MS4A4E: variants seen among roughly 807,000 people sequenced by gnomAD.
MS4A4E encodes putative membrane-spanning 4-domains subfamily A member 4E.
Under a neutral mutation model 13.3 loss-of-function variants are expected in MS4A4E, and 23 were observed. The ratio of observed to expected loss-of-function variants is 1.73; its 90% confidence interval spans 1.25 to 2.45. The LOEUF is 2.45. Among genes scored for constraint, MS4A4E ranks in the 30% most tolerant of loss-of-function variants. The pLI is 0.00. For missense variants in MS4A4E, 144 were observed against 131.2 expected (o/e 1.10, Z -0.48); for synonymous variants, 36 against 45.6 (o/e 0.79, Z 0.85).
At chr11:60,202,680 T>G (rs2084001818) in intron 8 of MS4A4E, among the ~76,000 whole-genome samples, 1 of 152,218 alleles carries the variant, frequency 6.6e-6, no homozygotes, top group African/African-American at 2.4e-5. Context: ...CCCAGCTGAT[T>G]ACTTGTAGGA....
At chr11:60,226,654 T>G (rs927024706) in intron 3 of MS4A4E, among the ~76,000 whole-genome samples, 3 of 152,190 alleles carry the variant, frequency 2.0e-5, no homozygotes, top group African/African-American at 7.2e-5. Flanking sequence ...TGATAAAGAA[T>G]ATTTATTAAT....
chr11:60,230,940 A>G (rs1227313490), intron 1 of MS4A4E, among the ~76,000 whole-genome samples: 2 of 152,126 alleles, frequency 1.3e-5, no homozygotes, highest in Non-Finnish European at 2.9e-5. Flanking sequence ...TATGCTAAAA[A>G]CTGTCAGGTT....
intron 5 of MS4A4E, chr11:60,209,115 G>A (rs983672945): frequency 2.6e-5 from 4 of 152,188 alleles, no homozygotes; most frequent in African/African-American, 9.6e-5. Flanking sequence ...CTAATCCTCA[G>A]CTTCTGGGGA....
chr11:60,229,495 G>A (rs610352), intron 2 of MS4A4E, among the ~76,000 whole-genome samples: 1 of 151,952 alleles, frequency 6.6e-6, no homozygotes, highest in African/African-American at 2.4e-5. Context: ...AATGCTCAGA[G>A]AATAGCAGAT....
chr11:60,215,825 T>TA (rs973437885), intron 3 of MS4A4E, among the ~76,000 whole-genome samples: 61 of 152,248 alleles, frequency 4.0e-4, no homozygotes, highest in Middle Eastern at 3.4e-3. Flanking sequence ...ATAAACTCTT[T>TA]AAAAAATTCA....
At chr11:60,206,493 A>ATATATATATGTATATATATG (rs2084047174) in intron 6 of MS4A4E, among the ~76,000 whole-genome samples, 1 of 80,720 alleles carries the variant, frequency 1.2e-5, no homozygotes, top group African/African-American at 5.1e-5. Flanking sequence ...ATATATGTAT[A>ATATATATATGTATATATATG]TATATACGTA....
rs575631902 is a variant in MS4A4E at position 60,213,935 on chromosome 11, T to G, written c.222+636A>C. On this transcript the variant is annotated intron_variant, in intron 4 of 8. Coordinates refer to ENST00000651255, the MANE Select transcript of MS4A4E (RefSeq NM_001393391.1). ...TTTTTTTCCTTTTTGAGATGGAGTC[T>G]TGCTCTGTCACCAGGCTGAAGTGCA... Among the ~76,000 whole-genome samples, 11 of 152,190 alleles carry G rather than the reference T, an allele frequency of 7.2e-5. No homozygotes were observed. The East Asian group carries it at 1.9e-3, about 27-fold the overall frequency.
chr11:60,203,344 G>A (rs2084007122), intron 8 of MS4A4E, among the ~76,000 whole-genome samples: 1 of 152,116 alleles, frequency 6.6e-6, no homozygotes, highest in South Asian at 2.1e-4. Flanking sequence ...CTTTGTAAGA[G>A]CCTATAAGGT....
intron 1 of MS4A4E, among the ~76,000 whole-genome samples, chr11:60,232,712 T>C (rs2084428168): frequency 6.6e-6 from 1 of 152,196 alleles, no homozygotes; most frequent in Non-Finnish European, 1.5e-5. Flanking sequence ...GAGTTGCTAC[T>C]GTGCTGCCCC....
chr11:60,230,178 C>A (rs530965766), intron 1 of MS4A4E, 107 bp from the exon 2 acceptor site: 1 of 1,226,222 alleles, frequency 8.2e-7, no homozygotes, highest in Non-Finnish European at 1.1e-6. Flanking sequence ...TCTACATTCC[C>A]CTCCAATATT....
At chr11:60,232,321 A>ACACCCC (rs556719466) in intron 1 of MS4A4E, among the ~76,000 whole-genome samples, 1 of 147,438 alleles carries the variant, frequency 6.8e-6, no homozygotes, top group Non-Finnish European at 1.5e-5. Flanking sequence ...ACACACACAC[A>ACACCCC]CCAAAAATGA....
chr11:60,225,875 A>T (rs1279487884), intron 3 of MS4A4E, among the ~76,000 whole-genome samples: 1 of 151,910 alleles, frequency 6.6e-6, no homozygotes, highest in Non-Finnish European at 1.5e-5. Context: ...CTTTTTTTTA[A>T]AAAAAAGAAA....
chr11:60,213,153 A>C (rs910474251), intron 4 of MS4A4E, 21 bp from the exon 5 acceptor site: 2 of 824,720 alleles, frequency 2.4e-6, no homozygotes, highest in Non-Finnish European at 3.7e-6. Flanking sequence ...ATGAAAATTA[A>C]TTAAGCAATC....
intron 1 of MS4A4E, among the ~76,000 whole-genome samples, chr11:60,233,955 TC>T (rs2084447963): frequency 6.6e-6 from 1 of 152,190 alleles, no homozygotes; most frequent in Admixed American, 6.5e-5. Flanking sequence ...CAATCAGCAC[TC>T]CCAGGATTCA....
In MS4A4E at chr11:60,201,310, C is replaced by T. The variant is rs551032886; in HGVS notation, c.*233G>A. ...CGGGGGCTGACCCCCACCTCCCTCC[C>T]GGACGGGGTGGCTGCCTGGCGGAGA... On this transcript the variant is annotated 3_prime_UTR_variant, in exon 9 of 9. Coordinates refer to ENST00000651255, the MANE Select transcript of MS4A4E (RefSeq NM_001393391.1). The T allele has an allele frequency of 2.7e-4, 44 of 164,120 alleles. 1 individual carries two copies. Among genetic ancestry groups the T allele is most frequent in the South Asian group, 1.5e-3 (11 of 7,240 alleles). 10.2% of individuals were successfully genotyped at this position (164,120 alleles called of 1,614,324 possible). A position where few individuals can be genotyped will look rare whatever the true frequency, so the allele number is the denominator to read the frequency against.
Position 60,227,504 on chromosome 11 carries a change from T to C in MS4A4E, c.178+1090A>G, listed in dbSNP as rs368328176. Reference sequence around the variant, plus strand: ...AGGCAGAGCTTGCAGTGAGCTGAGATTGGGCCACTGCACTCCAGCCTGGGT... The same window carrying C: ...AGGCAGAGCTTGCAGTGAGCTGAGACTGGGCCACTGCACTCCAGCCTGGGT... On this transcript the variant is annotated intron_variant, in intron 3 of 8. Coordinates refer to ENST00000651255, the MANE Select transcript of MS4A4E (RefSeq NM_001393391.1). Among the ~76,000 whole-genome samples the C allele has an allele frequency of 5.3e-5, 8 of 152,178 alleles. No individual in the cohort carries two copies. In the East Asian group the frequency reaches 1.5e-3, roughly 29 times the overall value.
At chr11:60,222,886 G>T (rs1333285294) in intron 3 of MS4A4E, among the ~76,000 whole-genome samples, 1 of 152,156 alleles carries the variant, frequency 6.6e-6, no homozygotes, top group East Asian at 1.9e-4. Context: ...CACAATGGAG[G>T]TAAGGAAGTA....
At chr11:60,214,946 T>C (rs2084172149) in intron 3 of MS4A4E, among the ~76,000 whole-genome samples, 1 of 152,104 alleles carries the variant, frequency 6.6e-6, no homozygotes, top group Non-Finnish European at 1.5e-5. Context: ...TTGAATACAA[T>C]AAACAAAAAA....
rs1442317859 is a variant in MS4A4E at position 60,227,955 on chromosome 11, A to G, written c.178+639T>C. On this transcript the variant is annotated intron_variant, in intron 3 of 8. Transcript: ENST00000651255. ...CTTCACAAAAATTAACTCAAAATAA[A>G]TCACAGACCCAAATGTTGAACTCAA... Among the ~76,000 whole-genome samples the G allele has an allele frequency of 3.3e-5, 5 of 152,318 alleles. No individual in the cohort carries two copies. The East Asian group carries it at 9.6e-4, about 29-fold the overall frequency.
Sources: gnomAD v4.1 joint callset for allele counts (sites outside exome capture counted in the v4.1 genomes callset) on GRCh38, gnomAD v4.1.1 for gene constraint, MANE v1.5 for transcripts, NCBI Gene and HGNC (gene_info 2026-07-23, HGNC 2026-07-21) for gene names.